The following SCRT1 variants were observed in gnomAD, a reference collection of about 807,000 sequenced individuals.
SCRT1 encodes scratch family transcriptional repressor 1.
SCRT1 carries 1 observed loss-of-function variant against 3.4 expected under a neutral mutation model. The ratio of observed to expected loss-of-function variants is 0.29; its 90% CI spans 0.10 to 1.39. SCRT1 has a LOEUF of 1.39. Ranked by LOEUF, SCRT1 falls within the 40% of genes most tolerant of loss-of-function variation. The probability of loss-of-function intolerance (pLI) is 0.42; values close to 1 mark genes in which losing one functional copy is unlikely to be tolerated. For synonymous variants in SCRT1, 238 were observed against 247.0 expected, an observed-to-expected ratio of 0.96 and a Z score of 0.34; for missense variants, 380 against 526.3, an observed-to-expected ratio of 0.72 and a Z score of 2.72.
rs1179476651 is a variant in SCRT1, at chr8:144,336,189, C to A, written c.-20G>T. On this transcript the variant is annotated 5_prime_UTR_variant, in exon 1 of 2. Coordinates refer to ENST00000569446, the MANE Select transcript of SCRT1 (RefSeq NM_031309.6). The surrounding 1 kb of genome is among the most constrained non-coding windows in gnomAD (Gnocchi z 6.8). Reference sequence around the variant, plus strand: ...GGGCATGATTCCTGCGGGGCTCCGGCGCTGTGGGCCTGCGGAGCCGGGGCT... The same window carrying A: ...GGGCATGATTCCTGCGGGGCTCCGGAGCTGTGGGCCTGCGGAGCCGGGGCT... 6.5e-7 allele frequency: 1 copy of A among 1,541,548 alleles called. No individual in the cohort carries two copies. The highest frequency in any genetic ancestry group is 8.8e-7 in the Non-Finnish European group (1 of 1,133,790).
intron 1 of SCRT1, among the ~76,000 whole-genome samples, chr8:144,334,635 C>A (rs558033129): frequency 6.6e-6 from 1 of 152,132 alleles, no homozygotes; most frequent in African/African-American, 2.4e-5. Context: ...CTCTGGCCTG[C>A]AGAACGTGCG....
At position 144,333,743 on chromosome 8, in the gene SCRT1, C is replaced by T. The variant is rs1487748584; in HGVS notation, c.489G>A (p.Gly163=). ...GGAGGRSLGS[G]PGGRGGTRAG... ...CGCGCGTGCCGCCCCGGCCCCCCGG[C>T]CCGGATCCCAAGCTGCGCCCGCCCG... Residue 163 remains glycine, a synonymous_variant, in exon 2 of 2, where the codon GGG becomes GGA. Transcript: ENST00000569446. 1.8e-6 allele frequency: 2 copies of T among 1,129,004 alleles called. No homozygotes were observed. The highest frequency in any genetic ancestry group is 2.2e-6 in the Non-Finnish European group (2 of 923,330). 69.9% of individuals were successfully genotyped at this position (1,129,004 alleles called of 1,614,324 possible). A position where few individuals can be genotyped will look rare whatever the true frequency, so the allele number is the denominator to read the frequency against.
At position 144,331,443 on chromosome 8, in the gene SCRT1, G is replaced by A. The variant is rs1190404044; in HGVS notation, c.*1742C>T. ...GGTTGAGGTGGGGAGGAGTGTAGGG[G>A]GCATGTGAACCTAGGGACCTGGTCT... On this transcript the variant is annotated 3_prime_UTR_variant, in exon 2 of 2. Coordinates refer to ENST00000569446, the MANE Select transcript of SCRT1 (RefSeq NM_031309.6). 1.3e-5 allele frequency: 2 copies of A among 152,348 alleles called. No homozygotes were observed. The highest frequency in any genetic ancestry group is 2.9e-5 in the Non-Finnish European group (2 of 68,198). The allele number at this position is 152,348 out of a possible 1,614,324, so 9.4% of individuals were successfully genotyped here.
At position 144,332,306 on chromosome 8, in the gene SCRT1, C is replaced by T. The variant is rs1190736800; in HGVS notation, c.*879G>A. 6.8e-6 allele frequency: 1 copy of T among 146,908 alleles called. No individual in the cohort carries two copies. The highest frequency in any genetic ancestry group is 2.5e-5 in the African/African-American group (1 of 39,590). The allele number at this position is 146,908 out of a possible 1,614,324, so 9.1% of individuals were successfully genotyped here. A position where few individuals can be genotyped will look rare whatever the true frequency, so the allele number is the denominator to read the frequency against. ...CAACCCCCCCAGGGGGCTTTACCCG[C>T]AAAGCGAAGACAGAGGTGTGTAGAG... On this transcript the variant is annotated 3_prime_UTR_variant, in exon 2 of 2. Transcript: ENST00000569446.
At position 144,333,112 on chromosome 8, in the gene SCRT1, C is replaced by G. The variant is rs1817817683; in HGVS notation, c.*73G>C. 1 of 1,307,518 alleles carries G rather than the reference C, an allele frequency of 7.6e-7. No homozygotes were observed. Among genetic ancestry groups the G allele is most frequent in the East Asian group, 2.6e-5 (1 of 38,678 alleles). The allele number at this position is 1,307,518 out of a possible 1,614,324, so 81.0% of individuals were successfully genotyped here. On this transcript the variant is annotated 3_prime_UTR_variant, in exon 2 of 2. Transcript: ENST00000569446. ...GGGCCCGCCCTCCGGCCCCTCCACC[C>G]GGACGCCAGCGAAGACTTCCCTGGG... is the stretch of plus-strand genomic sequence containing the variant.
In SCRT1 at chr8:144,335,618, G is replaced by C. The variant is rs562014769; in HGVS notation, c.115+437C>G. ...TTGGACCCCCTGCCTACTCCCTGGAGCTCCCTGCATTCCCCAGCTAACCCT... is the reference window on the plus strand; with the variant it reads ...TTGGACCCCCTGCCTACTCCCTGGACCTCCCTGCATTCCCCAGCTAACCCT... On this transcript the variant is annotated intron_variant, in intron 1 of 1. Transcript: ENST00000569446. The surrounding 1 kb of genome is among the most constrained non-coding windows in gnomAD (Gnocchi z 7.7). Among the ~76,000 whole-genome samples the C allele has an allele frequency of 6.6e-6, 1 of 152,304 alleles. No individual in the cohort carries two copies. Among genetic ancestry groups the C allele is most frequent in the East Asian group, 1.9e-4 (1 of 5,188 alleles).
In SCRT1 at chr8:144,334,092, G is replaced by A. The variant is rs1554850058; in HGVS notation, c.140C>T (p.Pro47Leu). The change falls in exon 2 of 2, where the codon CCC becomes CTC. Residue 47 changes from proline (P) to leucine (L), a missense_variant. Physicochemically the swap from Pro to Leu is moderately conservative, Grantham distance 98. Transcript: ENST00000569446. The stretch of plus-strand genomic sequence containing the variant: ...GGCGTCGCCATCGTAGACGGACGAG[G>A]GCCCCACGTAGTCGCTGAGGTACCC... ...DKGYLSDYVG[P>L]SSVYDGDAEA... 2 of 1,526,174 alleles carry A rather than the reference G, an allele frequency of 1.3e-6. No individual in the cohort carries two copies. Among genetic ancestry groups the A allele is most frequent in the Non-Finnish European group, 1.8e-6 (2 of 1,138,154 alleles). The allele number at this position is 1,526,174 out of a possible 1,614,324, so 94.5% of individuals were successfully genotyped here. A position where few individuals can be genotyped will look rare whatever the true frequency, so the allele number is the denominator to read the frequency against.
rs1364031797 is a variant in SCRT1, at chr8:144,332,074, AGGGGCCTGCCTCGGAGAGGC to A, written c.*1091_*1110del. 1.5e-5 allele frequency: 2 copies of A among 136,634 alleles called. No individual in the cohort carries two copies. The highest frequency in any genetic ancestry group is 3.2e-5 in the Non-Finnish European group (2 of 62,166). 8.5% of individuals were successfully genotyped at this position (136,634 alleles called of 1,614,324 possible). On this transcript the variant is annotated 3_prime_UTR_variant, in exon 2 of 2. Transcript: ENST00000569446. Reference sequence around the variant, plus strand: ...AGGGGCGGGGCCTGGGTCTCAGGGGAGGGGCCTGCCTCGGAGAGGCGGGGCCTGAGGCTCCCTAGAGGCTC... The same window carrying A: ...AGGGGCGGGGCCTGGGTCTCAGGGGAGGGGCCTGAGGCTCCCTAGAGGCTC...
In SCRT1 at chr8:144,333,283, A is replaced by T; in HGVS notation, c.949T>A (p.Ser317Thr). The change falls in exon 2 of 2, where the codon TCC (serine) becomes ACC (threonine). Residue 317 changes from serine to threonine, a missense_variant. Ser to Thr is a moderately conservative substitution (Grantham distance 58). Around this residue, in one of 5 missense-constraint regions of SCRT1, gnomAD observed 67 missense variants for 64.7 expected, o/e 1.04. Transcript: ENST00000569446. ...KRCKKSFALK[S>T]YLNKHYESAC... ...GACTCGTAGTGCTTGTTGAGATAGG[A>T]CTTGAGCGCGAAGCTCTTCTTGCAG... is the stretch of plus-strand genomic sequence containing the variant. 6.2e-7 allele frequency: 1 copy of T among 1,612,420 alleles called. No individual in the cohort carries two copies. The highest frequency in any genetic ancestry group is 8.5e-7 in the Non-Finnish European group (1 of 1,179,658).
rs1554850279 is a variant in SCRT1 at position 144,336,259 on chromosome 8, G to A, written c.-90C>T. 4.2e-6 allele frequency: 4 copies of A among 961,568 alleles called. No homozygotes were observed. Among genetic ancestry groups the A allele is most frequent in the African/African-American group, 1.7e-5 (1 of 58,610 alleles). 59.6% of individuals were successfully genotyped at this position (961,568 alleles called of 1,614,324 possible). A position where few individuals can be genotyped will look rare whatever the true frequency, so the allele number is the denominator to read the frequency against. Reference sequence around the variant, plus strand: ...GGGCCCCGTCACCATCCGAGGAGCGGCGGAGGCAGCGCGGGTCCCCACTCT... The same window carrying A: ...GGGCCCCGTCACCATCCGAGGAGCGACGGAGGCAGCGCGGGTCCCCACTCT... On this transcript the variant is annotated 5_prime_UTR_variant, in exon 1 of 2. Transcript: ENST00000569446. This position sits in a 1 kb window ranked among gnomAD's most constrained non-coding sequence, Gnocchi z 6.8.
Position 144,332,333 on chromosome 8 carries a change from G to GCAGC in SCRT1, c.*848_*851dup, listed in dbSNP as rs1817782703. On this transcript the variant is annotated 3_prime_UTR_variant, in exon 2 of 2. Coordinates refer to ENST00000569446, the MANE Select transcript of SCRT1 (RefSeq NM_031309.6). ...AAGCGAAGACAGAGGTGTGTAGAGG[G>GCAGC]CAGCGCCCAGGCCTGCCTGCCGGCC... The GCAGC allele has an allele frequency of 6.9e-6, 1 of 145,018 alleles. No individual in the cohort carries two copies. Among genetic ancestry groups the GCAGC allele is most frequent in the Non-Finnish European group, 1.5e-5 (1 of 65,766 alleles). 9.0% of individuals were successfully genotyped at this position (145,018 alleles called of 1,614,324 possible). A position where few individuals can be genotyped will look rare whatever the true frequency, so the allele number is the denominator to read the frequency against.
rs1554849674 is a variant in SCRT1, at chr8:144,332,399, G to GT, written c.*785_*786insA. 1 of 147,124 alleles carries GT rather than the reference G, an allele frequency of 6.8e-6. No homozygotes were observed. Among genetic ancestry groups the GT allele is most frequent in the African/African-American group, 2.5e-5 (1 of 39,406 alleles). 9.1% of individuals were successfully genotyped at this position (147,124 alleles called of 1,614,324 possible). A position where few individuals can be genotyped will look rare whatever the true frequency, so the allele number is the denominator to read the frequency against. Reference sequence around the variant, plus strand: ...CCAACACGAATGCCTGGGGTACGGGGGTGGGGGGTGGGGGCCCGGGGCAGG... The same window carrying GT: ...CCAACACGAATGCCTGGGGTACGGGGTGTGGGGGGTGGGGGCCCGGGGCAGG... On this transcript the variant is annotated 3_prime_UTR_variant, in exon 2 of 2. Coordinates refer to ENST00000569446, the MANE Select transcript of SCRT1 (RefSeq NM_031309.6).
intron 1 of SCRT1, among the ~76,000 whole-genome samples, chr8:144,334,499 G>C (rs906515624): frequency 1.1e-5 from 1 of 89,794 alleles, no homozygotes; most frequent in Admixed American, 1.1e-4. Flanking sequence ...TCCCCCTCGG[G>C]TTCTCCCCAC....
At chr8:144,334,448 G>A (rs1406292151) in intron 1 of SCRT1, among the ~76,000 whole-genome samples, 1 of 151,900 alleles carries the variant, frequency 6.6e-6, no homozygotes, top group Non-Finnish European at 1.5e-5. Context: ...AGGGGGGAGG[G>A]GCGGCGCTTC....
chr8:144,334,170 C>A, intron 1 of SCRT1, 54 bp from the exon 2 acceptor site: 1 of 786,064 alleles, frequency 1.3e-6, no homozygotes, highest in Non-Finnish European at 1.8e-6. Flanking sequence ...CGGCAGGACA[C>A]ACACGGGGGA....
rs1053418753 is a variant in SCRT1, at chr8:144,332,900, G to T, written c.*285C>A. On this transcript the variant is annotated 3_prime_UTR_variant, in exon 2 of 2. Coordinates refer to ENST00000569446, the MANE Select transcript of SCRT1 (RefSeq NM_031309.6). Reference sequence around the variant, plus strand: ...CCCGTCTTCAGAGACCCAACTCGGAGATGAGGTTCGGTTCTAGGTCTCGTC... The same window carrying T: ...CCCGTCTTCAGAGACCCAACTCGGATATGAGGTTCGGTTCTAGGTCTCGTC... 7.9e-6 allele frequency: 3 copies of T among 378,984 alleles called. No homozygotes were observed. The Admixed American group carries it at 1.3e-4, about 16-fold the overall frequency. 23.5% of individuals were successfully genotyped at this position (378,984 alleles called of 1,614,324 possible).
rs149914300 is a variant in SCRT1, at chr8:144,335,321, C to A, written c.115+734G>T. On this transcript the variant is annotated intron_variant, in intron 1 of 1. Transcript: ENST00000569446. The surrounding 1 kb of genome is among the most constrained non-coding windows in gnomAD (Gnocchi z 7.7). ...AAGCGCACACGGTCACATGGCCACACACAGTCACATGGACCCACACAGGCT... is the reference window on the plus strand; with the variant it reads ...AAGCGCACACGGTCACATGGCCACAAACAGTCACATGGACCCACACAGGCT... 7.9e-5 allele frequency among the ~76,000 whole-genome samples: 12 copies of A among 152,166 alleles called. No individual in the cohort carries two copies. Among genetic ancestry groups the A allele is most frequent in the Non-Finnish European group, 1.5e-4 (10 of 68,006 alleles).
Position 144,336,296 on chromosome 8 carries a change from G to C in SCRT1, c.-127C>G, listed in dbSNP as rs1554850283. The C allele has an allele frequency of 3.1e-6, 2 of 642,756 alleles. No homozygotes were observed. The highest frequency in any genetic ancestry group is 5.3e-6 in the Non-Finnish European group (2 of 377,914). The allele number at this position is 642,756 out of a possible 1,614,324, so 39.8% of individuals were successfully genotyped here. On this transcript the variant is annotated 5_prime_UTR_variant, in exon 1 of 2. Coordinates refer to ENST00000569446, the MANE Select transcript of SCRT1 (RefSeq NM_031309.6). This position sits in a 1 kb window ranked among gnomAD's most constrained non-coding sequence, Gnocchi z 6.8. ...CGGGTCCCCACTCTGGCCTTTGGAT[G>C]CTGCCGCGCGAGTGGTGTCCTCTCT... is the stretch of plus-strand genomic sequence containing the variant.
Position 144,331,111 on chromosome 8 carries a change from G to T in SCRT1, c.*2074C>A, listed in dbSNP as rs782337975. ...GGGCAGGCCCCAGCTTGGGAGCTGT[G>T]CAGGCACCACACCTGGTTGTGTAGG... is the stretch of plus-strand genomic sequence containing the variant. On this transcript the variant is annotated 3_prime_UTR_variant, in exon 2 of 2. Transcript: ENST00000569446. 1 of 152,558 alleles carries T rather than the reference G, an allele frequency of 6.6e-6. No individual in the cohort carries two copies. The highest frequency in any genetic ancestry group is 2.4e-5 in the African/African-American group (1 of 41,452). 9.5% of individuals were successfully genotyped at this position (152,558 alleles called of 1,614,324 possible).
Sources: allele counts gnomAD v4.1 joint callset (sites outside exome capture counted in the v4.1 genomes callset), GRCh38; gene constraint gnomAD v4.1.1; regional missense constraint gnomAD v4.1.1; non-coding constraint Gnocchi (gnomAD v3.1); transcripts MANE v1.5; gene names NCBI Gene and HGNC (gene_info 2026-07-23, HGNC 2026-07-21).